The following ZNF804B variants were observed in gnomAD, a reference collection of about 807,000 sequenced individuals.
The protein encoded by ZNF804B is zinc finger 804B.
ZNF804B carries 80 observed loss-of-function variants against 101.4 expected under a neutral mutation model. The observed-to-expected ratio is 0.79, with a 90% CI of 0.66 to 0.95. The LOEUF (loss-of-function observed/expected upper bound fraction) is 0.95, where lower values mean the gene tolerates loss of function less well. Among genes scored for constraint, ZNF804B ranks in the 40% least tolerant of loss-of-function variants. The pLI is 0.00. For synonymous variants in ZNF804B, 622 were observed against 558.8 expected (o/e 1.11, Z -1.59); for missense variants, 1,673 against 1,561.9 (o/e 1.07, Z -1.20).
chr7:89,095,515 G>A (rs1303649942), intron 1 of ZNF804B, among the ~76,000 whole-genome samples: 1 of 152,134 alleles, frequency 6.6e-6, no homozygotes, highest in Non-Finnish European at 1.5e-5. Context: ...ACCTTGTCTG[G>A]CATTTGGATT....
intron 1 of ZNF804B, among the ~76,000 whole-genome samples, chr7:88,913,319 A>C (rs1488094826): frequency 6.6e-6 from 1 of 152,212 alleles, no homozygotes; most frequent in African/African-American, 2.4e-5. Context: ...ACTTAAATTC[A>C]AATTCATTAC....
intron 1 of ZNF804B, among the ~76,000 whole-genome samples, chr7:89,044,345 T>C (rs569492580): frequency 1.3e-5 from 2 of 152,302 alleles, no homozygotes; most frequent in East Asian, 3.9e-4. Context: ...CTTTATAAAT[T>C]ACCCAGTCTT....
chr7:89,199,085 G>C (rs908905110), intron 1 of ZNF804B, among the ~76,000 whole-genome samples: 5 of 151,920 alleles, frequency 3.3e-5, no homozygotes, highest in Non-Finnish European at 5.9e-5. Context: ...GCAGCACAAA[G>C]ACTGGCCCCA....
At chr7:88,924,701 C>A (rs1200832379) in intron 1 of ZNF804B, among the ~76,000 whole-genome samples, 1 of 152,070 alleles carries the variant, frequency 6.6e-6, no homozygotes, top group African/African-American at 2.4e-5. Context: ...TGTTGTAACT[C>A]TCTCTCCTCA....
chr7:89,163,051 A>G (rs1425580654), intron 1 of ZNF804B, among the ~76,000 whole-genome samples: 2 of 151,926 alleles, frequency 1.3e-5, no homozygotes, highest in African/African-American at 2.4e-5. Context: ...TATGTGCCAC[A>G]TTTTCTTAAT....
At chr7:88,825,304 T>C (rs1348327933) in intron 1 of ZNF804B, among the ~76,000 whole-genome samples, 1 of 152,066 alleles carries the variant, frequency 6.6e-6, no homozygotes, top group African/African-American at 2.4e-5. Context: ...TCTCTCTCAA[T>C]AATCTCCAAA....
intron 1 of ZNF804B, among the ~76,000 whole-genome samples, chr7:89,037,587 T>A (rs1788948309): frequency 6.8e-6 from 1 of 148,072 alleles, no homozygotes; most frequent in African/African-American, 2.6e-5. Flanking sequence ...ATATATATAT[T>A]TTGAAATGAT....
chr7:88,772,166 T>A (rs1209753615), intron 1 of ZNF804B, among the ~76,000 whole-genome samples: 2 of 152,226 alleles, frequency 1.3e-5, no homozygotes, highest in African/African-American at 4.8e-5. Context: ...ATTCATGTGC[T>A]ACATACTATA....
intron 1 of ZNF804B, among the ~76,000 whole-genome samples, chr7:89,015,134 T>C (rs1364615512): frequency 6.6e-6 from 1 of 152,156 alleles, no homozygotes; most frequent in African/African-American, 2.4e-5. Context: ...ACTTGACACC[T>C]TTGTCAAAAG....
At chr7:89,025,419 T>C (rs1788733871) in intron 1 of ZNF804B, among the ~76,000 whole-genome samples, 2 of 152,214 alleles carry the variant, frequency 1.3e-5, no homozygotes, top group East Asian at 3.9e-4. Flanking sequence ...ATTAAGGCAA[T>C]GTCTCCAAAA....
At chr7:88,844,130 A>G (rs1791333037) in intron 1 of ZNF804B, among the ~76,000 whole-genome samples, 1 of 150,668 alleles carries the variant, frequency 6.6e-6, no homozygotes, top group South Asian at 2.1e-4. Flanking sequence ...CATAAATTAC[A>G]GATATGATAC....
chr7:89,096,913 A>G (rs548741180), intron 1 of ZNF804B, among the ~76,000 whole-genome samples: 59 of 152,322 alleles, frequency 3.9e-4, no homozygotes, highest in Admixed American at 2.9e-3. Context: ...TTCTCTGTAG[A>G]CATTGTCCTT....
intron 1 of ZNF804B, among the ~76,000 whole-genome samples, chr7:89,135,872 T>C (rs901239434): frequency 3.3e-5 from 5 of 152,124 alleles, no homozygotes; most frequent in Admixed American, 1.3e-4. Context: ...ATCAGTTATT[T>C]TTATATTTCT....
intron 1 of ZNF804B, among the ~76,000 whole-genome samples, chr7:89,199,118 A>G (rs1788595370): frequency 6.6e-6 from 1 of 151,892 alleles, no homozygotes; most frequent in South Asian, 2.1e-4. Flanking sequence ...CTTGTTATCC[A>G]TATAGTGTAT....
chr7:89,064,716 G>A (rs1228700530), intron 1 of ZNF804B, among the ~76,000 whole-genome samples: 1 of 152,134 alleles, frequency 6.6e-6, no homozygotes, highest in Non-Finnish European at 1.5e-5. Context: ...CCCAGTAGGT[G>A]CCTATAGCAA....
chr7:89,334,596 G>A lies in ZNF804B; in HGVS notation c.1614G>A (p.Thr538=), dbSNP rs148827448. 2,950 of 1,613,752 alleles carry A rather than the reference G, an allele frequency of 1.8e-3. 11 individuals are homozygous for A. The highest frequency in any genetic ancestry group is 3.4e-3 in the Admixed American group (205 of 59,900). Residue 538 remains threonine, a synonymous_variant, in exon 4 of 4, where the codon ACG becomes ACA. Coordinates refer to ENST00000333190, the MANE Select transcript of ZNF804B (RefSeq NM_181646.5). ...ATTATCAATATCCGAAACCAAAGAC[G>A]ATGATAGCTAATCCGGATTGGGAAA... is the stretch of plus-strand genomic sequence containing the variant. ...QEDYQYPKPK[T]MIANPDWEKF...
intron 1 of ZNF804B, among the ~76,000 whole-genome samples, chr7:89,130,677 A>G (rs1790534557): frequency 6.6e-6 from 1 of 151,986 alleles, no homozygotes; most frequent in Non-Finnish European, 1.5e-5. Flanking sequence ...AGGAGAGGGG[A>G]CGCCTTTAAA....
chr7:88,920,468 T>A (rs943321292), intron 1 of ZNF804B, among the ~76,000 whole-genome samples: 4 of 152,082 alleles, frequency 2.6e-5, no homozygotes, highest in African/African-American at 4.8e-5. Flanking sequence ...TAGACAAATT[T>A]CAAATTTGGA....
At chr7:89,298,216 G>GTGTGTGTATA (rs1421058768) in intron 2 of ZNF804B, among the ~76,000 whole-genome samples, 2 of 27,524 alleles carry the variant, frequency 7.3e-5, no homozygotes, top group African/African-American at 3.1e-4. Context: ...GTGTGTGTGT[G>GTGTGTGTATA]TATATATATA....
Sources: gnomAD v4.1 joint callset for allele counts (sites outside exome capture counted in the v4.1 genomes callset) on GRCh38, gnomAD v4.1.1 for gene constraint, MANE v1.5 for transcripts, NCBI Gene and HGNC (gene_info 2026-07-23, HGNC 2026-07-21) for gene names.